The following TSPAN1 variants were observed in gnomAD, a reference collection of about 807,000 sequenced individuals.
TSPAN1 encodes the protein tetraspanin-1.
Under a neutral mutation model 26.9 loss-of-function variants are expected in TSPAN1, and 23 were observed. That is an observed-to-expected ratio of 0.85 (90% CI 0.62 to 1.21). TSPAN1 has a LOEUF of 1.21. Ranked by LOEUF, TSPAN1 falls within the 50% of genes most tolerant of loss-of-function variation. The pLI is 0.00. For missense variants in TSPAN1, 283 were observed against 298.4 expected (o/e 0.95, Z 0.38); for synonymous variants, 115 against 114.8 (o/e 1.00, Z -0.01).
At chr1:46,186,578 C>A (rs1242071983), downstream of TSPAN1, among the ~76,000 whole-genome samples, 2 of 149,662 alleles carry the variant, frequency 1.3e-5, no homozygotes, top group Admixed American at 1.3e-4. Flanking sequence ...GCGGACTCTG[C>A]CTCCGGGTTC....
chr1:46,175,216 G>C lies in TSPAN1; in HGVS notation c.-335G>C. 1 of 177,530 alleles carries C rather than the reference G, an allele frequency of 5.6e-6. No individual in the cohort carries two copies. Among genetic ancestry groups the C allele is most frequent in the Non-Finnish European group, 1.2e-5 (1 of 84,638 alleles). 11.0% of individuals were successfully genotyped at this position (177,530 alleles called of 1,614,324 possible). ...CTTTCATCCTATCCCTCTCTGATCT[G>C]TGCCTCCCAATACCTTCCAAGATGT... On this transcript the variant is annotated 5_prime_UTR_variant, in exon 1 of 9. Transcript: ENST00000372003.
chr1:46,196,060 G>A, the TSPAN1 span: 3 of 1,613,942 alleles, frequency 1.9e-6, no homozygotes, highest in Non-Finnish European at 2.5e-6. This position sits in a 1 kb window ranked among gnomAD's most constrained non-coding sequence, Gnocchi z 4.4. Context: ...CCTGCTCCCG[G>A]GCCTCATCCT....
chr1:46,189,970 G>T (rs761426941), downstream of TSPAN1: 9 of 1,614,026 alleles, frequency 5.6e-6, no homozygotes, highest in African/African-American at 1.3e-5. Flanking sequence ...TTCTTGCTGT[G>T]GTCCAGAACC....
chr1:46,194,867 C>T, the TSPAN1 span: 1 of 1,614,094 alleles, frequency 6.2e-7, no homozygotes, highest in South Asian at 1.1e-5. Context: ...CACGAAGGCC[C>T]ATGTGTCCCT....
chr1:46,176,594 C>CA, intron 1 of TSPAN1: 1 of 1,212,216 alleles, frequency 8.2e-7, no homozygotes, highest in Non-Finnish European at 1.1e-6. Flanking sequence ...GGCCCTGGCC[C>CA]CTCCTCATGG....
At chr1:46,192,442 G>A in the TSPAN1 span, 38 of 1,614,124 alleles carry the variant, frequency 2.4e-5, no homozygotes, top group African/African-American at 3.1e-4. Flanking sequence ...TACCCCTGGG[G>A]ACAGGGTGCC....
intron 1 of TSPAN1, among the ~76,000 whole-genome samples, chr1:46,179,600 C>G (rs1201334043): frequency 6.6e-6 from 1 of 152,300 alleles, no homozygotes; most frequent in East Asian, 1.9e-4. Flanking sequence ...GACTTTTCCC[C>G]CGCACCTCTA....
In TSPAN1 at chr1:46,185,885, A is replaced by G. The variant is rs1171937256; in HGVS notation, c.*352A>G. ...GAGAAAGGCATTTTATAGCCTGGGC[A>G]TAAGTGAAATCAGCAGAGCCTCTGG... On this transcript the variant is annotated 3_prime_UTR_variant, in exon 9 of 9. Coordinates refer to ENST00000372003, the MANE Select transcript of TSPAN1 (RefSeq NM_005727.4). The G allele has an allele frequency of 9.0e-6, 3 of 331,698 alleles. No individual in the cohort carries two copies. The highest frequency in any genetic ancestry group is 2.1e-5 in the African/African-American group (1 of 47,304). The allele number at this position is 331,698 out of a possible 1,614,324, so 20.5% of individuals were successfully genotyped here.
chr1:46,189,068 A>G (rs1657534544), downstream of TSPAN1: 1 of 1,521,344 alleles, frequency 6.6e-7, no homozygotes, highest in African/African-American at 1.4e-5. Flanking sequence ...TCCAACAAGG[A>G]AGTAAATAAA....
At chr1:46,190,097 CTT>C (rs946195454), downstream of TSPAN1, 36,124 of 773,344 alleles carry the variant, frequency 0.047, no homozygotes, top group East Asian at 0.062. Context: ...CCTTGAAGTT[CTT>C]TTTTTTTTTT....
chr1:46,193,112 C>T, the TSPAN1 span: 1 of 1,611,600 alleles, frequency 6.2e-7, no homozygotes, highest in Non-Finnish European at 8.5e-7. Context: ...ACGTAACAGG[C>T]CCAGACCTTA....
At chr1:46,189,168 C>T, downstream of TSPAN1, 1 of 1,524,666 alleles carries the variant, frequency 6.6e-7, no homozygotes, top group Admixed American at 2.3e-5. Context: ...ACAAGGTAGC[C>T]CCAGCCCCTA....
intron 2 of TSPAN1, 77 bp from the exon 3 acceptor site, chr1:46,181,023 T>G: frequency 7.7e-7 from 1 of 1,300,646 alleles, no homozygotes; most frequent in Non-Finnish European, 1.1e-6. Context: ...CATATCTGGC[T>G]GAATATCTGA....
the TSPAN1 span, chr1:46,196,058 C>T: frequency 9.3e-6 from 15 of 1,613,960 alleles, no homozygotes; most frequent in Middle Eastern, 1.2e-3. The surrounding 1 kb of genome is among the most constrained non-coding windows in gnomAD (Gnocchi z 4.4). Context: ...GCCCTGCTCC[C>T]GGGCCTCATC....
rs1657100475 is a variant in TSPAN1, at chr1:46,175,276, G to A, written c.-275G>A. The A allele has an allele frequency of 1.1e-5, 3 of 266,330 alleles. No individual in the cohort carries two copies. In the East Asian group the frequency reaches 2.0e-4, roughly 18 times the overall value. The allele number at this position is 266,330 out of a possible 1,614,324, so 16.5% of individuals were successfully genotyped here. A position where few individuals can be genotyped will look rare whatever the true frequency, so the allele number is the denominator to read the frequency against. ...CCCTTCTCCCTGTGCAGTTAGGAGT[G>A]TAAGGCAAGAGAGCCCCTACTTCAT... On this transcript the variant is annotated 5_prime_UTR_variant, in exon 1 of 9. Coordinates refer to ENST00000372003, the MANE Select transcript of TSPAN1 (RefSeq NM_005727.4).
intron 1 of TSPAN1, chr1:46,176,330 C>A: frequency 1.3e-6 from 2 of 1,535,768 alleles, no homozygotes; most frequent in Non-Finnish European, 1.7e-6. Flanking sequence ...GCAGTTCGAC[C>A]TCGGAGACCC....
intron 3 of TSPAN1, chr1:46,183,874 G>A (rs543500153): frequency 2.0e-5 from 9 of 442,830 alleles, no homozygotes; most frequent in African/African-American, 1.4e-4. Context: ...TCACCTGCCT[G>A]TTTTCAATCC....
chr1:46,186,194 G>A (rs571354934), downstream of TSPAN1, among the ~76,000 whole-genome samples: 1 of 152,292 alleles, frequency 6.6e-6, no homozygotes, highest in Admixed American at 6.5e-5. Context: ...TCCTTATAAA[G>A]GGGAGAACTT....
the TSPAN1 span, chr1:46,193,316 G>C: frequency 6.2e-7 from 1 of 1,613,670 alleles, no homozygotes; most frequent in Non-Finnish European, 8.5e-7. Flanking sequence ...TGAGACACGC[G>C]GGCATTCTTG....
Sources: allele counts gnomAD v4.1 joint callset (sites outside exome capture counted in the v4.1 genomes callset), GRCh38; gene constraint gnomAD v4.1.1; non-coding constraint Gnocchi (gnomAD v3.1); transcripts MANE v1.5; gene names NCBI Gene and HGNC (gene_info 2026-07-23, HGNC 2026-07-21).